TP63: variants seen among roughly 807,000 people sequenced by gnomAD.
TP63 encodes tumor protein 63.
TP63 carries 17 observed loss-of-function variants against 82.8 expected under a neutral mutation model. The ratio of observed to expected loss-of-function variants is 0.21; its 90% confidence interval spans 0.14 to 0.31. The LOEUF (loss-of-function observed/expected upper bound fraction) is 0.31. Among genes scored for constraint, TP63 ranks in the 10% least tolerant of loss-of-function variants. TP63 has a pLI of 1.00. For missense variants in TP63, 648 were observed against 895.3 expected (o/e 0.72, Z 3.52); for synonymous variants, 330 against 321.7 (o/e 1.03, Z -0.28).
At chr3:189,601,984 A>G in the TP63 span, among the ~76,000 whole-genome samples, 1 of 152,312 alleles carries the variant, frequency 6.6e-6, no homozygotes, top group South Asian at 2.1e-4. Flanking sequence ...ACACTCTCAA[A>G]TGATGCCTGA....
At chr3:189,786,927 T>C (rs1436816516) in intron 3 of TP63, among the ~76,000 whole-genome samples, 4 of 152,094 alleles carry the variant, frequency 2.6e-5, no homozygotes, top group African/African-American at 9.7e-5. Flanking sequence ...AGCATTGTTG[T>C]TGAGTGCAGA....
chr3:189,695,659 T>C (rs1717321083), intron 1 of TP63, among the ~76,000 whole-genome samples: 1 of 152,210 alleles, frequency 6.6e-6, no homozygotes, highest in Admixed American at 6.5e-5. Flanking sequence ...TGCTGATTTC[T>C]CCAACTTTTA....
chr3:189,891,005 A>G (rs1720961988), intron 13 of TP63, 123 bp downstream of exon 13: 1 of 828,010 alleles, frequency 1.2e-6, no homozygotes, highest in Admixed American at 2.0e-5. Flanking sequence ...CCAATTATCC[A>G]TTTTGATAGA....
At chr3:189,868,755 C>A (rs747755348) in intron 8 of TP63, 39 bp downstream of exon 8, 9 of 1,613,464 alleles carry the variant, frequency 5.6e-6, no homozygotes, top group Non-Finnish European at 6.8e-6. Flanking sequence ...AGGGTTGAAT[C>A]TTCTCCAGAT....
intron 3 of TP63, among the ~76,000 whole-genome samples, chr3:189,807,985 A>G (rs1393485989): frequency 1.3e-5 from 2 of 152,170 alleles, no homozygotes; most frequent in Non-Finnish European, 2.9e-5. Context: ...CGTTTTGCCT[A>G]GTTTGTGAAT....
intron 3 of TP63, among the ~76,000 whole-genome samples, chr3:189,761,950 C>G (rs535271594): frequency 1.3e-5 from 2 of 152,100 alleles, no homozygotes; most frequent in Non-Finnish European, 2.9e-5. Context: ...TTCACTATCA[C>G]GAGAACAGCA....
the TP63 span, among the ~76,000 whole-genome samples, chr3:189,614,232 T>C: frequency 6.6e-6 from 1 of 151,906 alleles, no homozygotes; most frequent in Non-Finnish European, 1.5e-5. Flanking sequence ...TGGGGACCAG[T>C]CTTTCCTGTG....
In TP63 at chr3:189,808,600, T is replaced by A; in HGVS notation, c.579+74T>A. Reference sequence around the variant, plus strand: ...GGCTTCACCACGTCCCAGGGATTTCTCCCCCTTCCCAGTTTAGCGATTCCA... The same window carrying A: ...GGCTTCACCACGTCCCAGGGATTTCACCCCCTTCCCAGTTTAGCGATTCCA... On this transcript the variant is annotated intron_variant, in intron 4 of 13. Transcript: ENST00000264731. 11 of 1,604,346 alleles carry A rather than the reference T, an allele frequency of 6.9e-6. No homozygotes were observed. In the South Asian group the frequency reaches 9.9e-5, roughly 14 times the overall value.
At chr3:189,878,668 C>T (rs1378119183) in intron 10 of TP63, among the ~76,000 whole-genome samples, 6 of 151,468 alleles carry the variant, frequency 4.0e-5, no homozygotes, top group Admixed American at 3.9e-4. Flanking sequence ...ACGTTGTGAT[C>T]CCCCCGACCT....
Position 189,886,851 on chromosome 3 carries a change from T to C in TP63, c.1507+300T>C, listed in dbSNP as rs73892203. Among the ~76,000 whole-genome samples the C allele has an allele frequency of 6.5e-3, 992 of 152,234 alleles. 11 individuals are homozygous for C. The highest frequency in any genetic ancestry group is 0.022 in the African/African-American group (928 of 41,544). ...GATGGAGACTCACCACCTGCAGCCT[T>C]TGAAATAGTCAAAAGGAAACAAATG... On this transcript the variant is annotated intron_variant, in intron 11 of 13. Transcript: ENST00000264731.
intron 10 of TP63, among the ~76,000 whole-genome samples, chr3:189,874,991 T>C (rs1361001619): frequency 1.3e-5 from 2 of 151,608 alleles, no homozygotes; most frequent in Non-Finnish European, 2.9e-5. Context: ...CTTTTTTTTT[T>C]TTTTTTTTTC....
chr3:189,713,855 A>G (rs1322412905), intron 1 of TP63, among the ~76,000 whole-genome samples: 4 of 152,114 alleles, frequency 2.6e-5, no homozygotes, highest in Non-Finnish European at 4.4e-5. Flanking sequence ...ATAATAAAAT[A>G]AGTAGCAAAT....
At chr3:189,795,013 A>T (rs972928784) in intron 3 of TP63, among the ~76,000 whole-genome samples, 1 of 152,164 alleles carries the variant, frequency 6.6e-6, no homozygotes, top group Non-Finnish European at 1.5e-5. Context: ...GTCTTTATTT[A>T]TGCCTGCTAT....
At chr3:189,786,966 A>G (rs1199041870) in intron 3 of TP63, among the ~76,000 whole-genome samples, 1 of 152,084 alleles carries the variant, frequency 6.6e-6, no homozygotes, top group African/African-American at 2.4e-5. Flanking sequence ...AACCTGCTTA[A>G]ATCAATGCAT....
At chr3:189,892,831 T>C (rs1466133588) in intron 13 of TP63, among the ~76,000 whole-genome samples, 2 of 152,126 alleles carry the variant, frequency 1.3e-5, no homozygotes, top group Non-Finnish European at 2.9e-5. Context: ...TTTTTGTGGA[T>C]TACCTTCTTT....
At chr3:189,737,966 A>G (rs926278771) in intron 2 of TP63, 98 bp downstream of exon 2, 1 of 1,461,670 alleles carries the variant, frequency 6.8e-7, no homozygotes. Flanking sequence ...TTCTAGAATC[A>G]GTAGAAGTTA....
intron 1 of TP63, among the ~76,000 whole-genome samples, chr3:189,672,873 A>C (rs1715049276): frequency 2.0e-5 from 3 of 152,112 alleles, no homozygotes; most frequent in Admixed American, 6.6e-5. Context: ...AAGATTAATC[A>C]AAAAAAGAGG....
chr3:189,863,608 G>A lies in TP63; in HGVS notation c.580-624G>A, dbSNP rs1163622767. On this transcript the variant is annotated intron_variant, in intron 4 of 13. Transcript: ENST00000264731. ...GTTTTCAGGAGTTTAGGACCAAACAGCCCCTTTCAGCTCTTGCATTCTCCT... is the reference window on the plus strand; with the variant it reads ...GTTTTCAGGAGTTTAGGACCAAACAACCCCTTTCAGCTCTTGCATTCTCCT... Among the ~76,000 whole-genome samples, 6 of 152,146 alleles carry A rather than the reference G, an allele frequency of 3.9e-5. No homozygotes were observed. The East Asian group carries it at 5.8e-4, about 15-fold the overall frequency.
chr3:189,761,752 T>C (rs779447110), intron 3 of TP63, among the ~76,000 whole-genome samples: 4 of 152,160 alleles, frequency 2.6e-5, no homozygotes, highest in Non-Finnish European at 4.4e-5. Context: ...TATAGACATA[T>C]CCGAGACTGG....
Sources: allele counts gnomAD v4.1 joint callset (sites outside exome capture counted in the v4.1 genomes callset), GRCh38; gene constraint gnomAD v4.1.1; transcripts MANE v1.5; gene names NCBI Gene and HGNC (gene_info 2026-07-23, HGNC 2026-07-21).